COL6A5: variants seen among roughly 807,000 people sequenced by gnomAD.
COL6A5 encodes collagen alpha-5(VI) chain.
COL6A5 carries 48 observed loss-of-function variants against 65.6 expected under a neutral mutation model. The ratio of observed to expected loss-of-function variants is 0.73; its 90% CI spans 0.58 to 0.93. The LOEUF (loss-of-function observed/expected upper bound fraction) is 0.93, where lower values mean the gene tolerates loss of function less well. Ranked by LOEUF, COL6A5 falls within the 40% of genes least tolerant of loss-of-function variation. The pLI is 0.00. For missense variants in COL6A5, 914 were observed against 928.3 expected (o/e 0.98, Z 0.20); for synonymous variants, 291 against 322.8 (o/e 0.90, Z 1.05).
At position 130,455,535 on chromosome 3, in the gene COL6A5, CT is replaced by C. The variant is rs1466485137; in HGVS notation, c.1417del (p.Phe473LeufsTer2). On this transcript the variant is annotated frameshift_variant, in exon 5 of 8. Coordinates refer to ENST00000512836, the Ensembl canonical transcript of COL6A5. LOFTEE classifies it high-confidence loss of function. ...GAATTAAATTCTGGGAGAGAATCAC[CT>C]TTTGTAAAGACGGAAGACAATGGAA... The C allele has an allele frequency of 6.2e-7, 1 of 1,612,762 alleles. No individual in the cohort carries two copies. The highest frequency in any genetic ancestry group is 2.2e-5 in the East Asian group (1 of 44,710).
chr3:130,371,374 C>A (rs899040163), intron 1 of COL6A5, among the ~76,000 whole-genome samples: 1 of 151,324 alleles, frequency 6.6e-6, no homozygotes, highest in Admixed American at 6.6e-5. Flanking sequence ...GCCAAAACAA[C>A]CTTGAAAAAG....
At chr3:130,441,915 T>C (rs935414034) in intron 3 of COL6A5, among the ~76,000 whole-genome samples, 1 of 152,144 alleles carries the variant, frequency 6.6e-6, no homozygotes, top group Non-Finnish European at 1.5e-5. Context: ...GGTTTAGAAG[T>C]AAACTTGGCT....
upstream of COL6A5, chr3:130,429,488 C>A: frequency 8.2e-7 from 1 of 1,223,110 alleles, no homozygotes; most frequent in Non-Finnish European, 1.1e-6. Context: ...ATAACATTTT[C>A]AGCTTTGTTA....
chr3:130,395,556 A>G, intron 8 of COL6A5, 91 bp downstream of exon 8: 2 of 939,808 alleles, frequency 2.1e-6, no homozygotes, highest in East Asian at 2.6e-5. Flanking sequence ...AGCAGAGCAT[A>G]TATTTAGAAC....
exon 3 of COL6A5, chr3:130,440,666 G>A (rs376411869): frequency 8.5e-5 from 137 of 1,613,082 alleles, no homozygotes; most frequent in Non-Finnish European, 1.1e-4. Flanking sequence ...TCAAGGCTAC[G>A]TCATATTTGT....
chr3:130,413,770 C>A (rs77097616), intron 21 of COL6A5, among the ~76,000 whole-genome samples, 190 bp downstream of exon 21: 37 of 151,838 alleles, frequency 2.4e-4, no homozygotes, highest in African/African-American at 7.5e-4. Flanking sequence ...AAGGAAAAGC[C>A]TCCCTGATAG....
At chr3:130,397,556 T>C in intron 8 of COL6A5, 27 bp from the exon 9 acceptor site, 1 of 1,512,178 alleles carries the variant, frequency 6.6e-7, no homozygotes, top group Non-Finnish European at 8.9e-7. Context: ...TACTCGTTAA[T>C]CTTGACTCTG....
intron 21 of COL6A5, 65 bp downstream of exon 21, chr3:130,413,645 T>C: frequency 6.8e-7 from 1 of 1,474,774 alleles, no homozygotes; most frequent in Non-Finnish European, 9.3e-7. Context: ...CCCATGTAGG[T>C]GGTGCTGGGA....
intron 4 of COL6A5, among the ~76,000 whole-genome samples, chr3:130,445,707 G>A (rs1034915459): frequency 2.0e-5 from 3 of 152,062 alleles, no homozygotes; most frequent in Non-Finnish European, 4.4e-5. Flanking sequence ...GCATTTTAAG[G>A]GAAAGAATGA....
At chr3:130,363,472 T>A (rs1935214666) in intron 1 of COL6A5, among the ~76,000 whole-genome samples, 1 of 152,172 alleles carries the variant, frequency 6.6e-6, no homozygotes, top group South Asian at 2.1e-4. Flanking sequence ...TCCACCACTC[T>A]TGGGAGGGAC....
chr3:130,386,755 A>G (rs1473970757), intron 5 of COL6A5, among the ~76,000 whole-genome samples: 1 of 151,998 alleles, frequency 6.6e-6, no homozygotes, highest in Non-Finnish European at 1.5e-5. Context: ...CACTTCAGGT[A>G]GTTGCAGTTG....
intron 18 of COL6A5, 94 bp downstream of exon 18, chr3:130,409,482 AAAT>A: frequency 1.9e-5 from 21 of 1,113,014 alleles, no homozygotes; most frequent in Non-Finnish European, 2.3e-5. Flanking sequence ...CCCTGTAGGC[AAAT>A]GGTTGTCTTA....
At chr3:130,403,186 A>G (rs1936871208) in intron 12 of COL6A5, among the ~76,000 whole-genome samples, 1 of 152,188 alleles carries the variant, frequency 6.6e-6, no homozygotes, top group Admixed American at 6.5e-5. Flanking sequence ...AATATATGCA[A>G]TCTTGTTGTT....
chr3:130,395,884 C>A lies in COL6A5; in HGVS notation c.3568+419C>A, dbSNP rs555082262. Among the ~76,000 whole-genome samples, 21 of 142,142 alleles carry A rather than the reference C, an allele frequency of 1.5e-4. No individual in the cohort carries two copies. The East Asian group carries it at 6.1e-3, about 41-fold the overall frequency. The allele number at this position is 142,142 out of a possible 152,430, so 93.3% of individuals were successfully genotyped here. ...CTTTGTTAAGCCATCTTGTAAGGGA[C>A]TCGTGTGTGTGTGTGTGTGTGTATG... On this transcript the variant is annotated intron_variant and NMD_transcript_variant, in intron 8 of 41. Coordinates refer to the COL6A5 transcript ENST00000312481.
At chr3:130,464,672 A>G (rs1258700121) in intron 5 of COL6A5, among the ~76,000 whole-genome samples, 1 of 152,080 alleles carries the variant, frequency 6.6e-6, no homozygotes, top group Non-Finnish European at 1.5e-5. Flanking sequence ...TGCAAAGAAT[A>G]CAAAATATGT....
chr3:130,480,369 A>G (rs1250082001), intron 7 of COL6A5, among the ~76,000 whole-genome samples: 1 of 152,016 alleles, frequency 6.6e-6, no homozygotes, highest in Non-Finnish European at 1.5e-5. Context: ...ATACACTTAA[A>G]TATATATATT....
intron 1 of COL6A5, among the ~76,000 whole-genome samples, chr3:130,347,629 T>TA (rs1157769609): frequency 5.3e-5 from 8 of 152,190 alleles, no homozygotes. Flanking sequence ...GGCTGACACA[T>TA]ATGTCTTGTT....
At position 130,444,028 on chromosome 3, in the gene COL6A5, C is replaced by T. The variant is rs147588439; in HGVS notation, c.1332+462C>T. 8.5e-3 allele frequency among the ~76,000 whole-genome samples: 1,288 copies of T among 152,210 alleles called. 11 individuals carry two copies. The highest frequency in any genetic ancestry group is 0.013 in the Non-Finnish European group (860 of 68,000). ...CATTTTAGAGGCCCACCCTCAGGGG[C>T]GCATTCTCTTTCTCAGGGATGTTCC... On this transcript the variant is annotated intron_variant, in intron 4 of 7. Coordinates refer to ENST00000512836, the Ensembl canonical transcript of COL6A5.
intron 1 of COL6A5, among the ~76,000 whole-genome samples, chr3:130,365,483 T>C: frequency 6.6e-6 from 1 of 152,192 alleles, no homozygotes; most frequent in Non-Finnish European, 1.5e-5. Context: ...TTCACCGTTT[T>C]AGCCGGGATG....
Sources: gnomAD v4.1 joint callset for allele counts (sites outside exome capture counted in the v4.1 genomes callset) on GRCh38, gnomAD v4.1.1 for gene constraint, MANE v1.5 for transcripts, NCBI Gene and HGNC (gene_info 2026-07-23, HGNC 2026-07-21) for gene names.